COL4A4: variants seen among roughly 807,000 people sequenced by gnomAD.
The protein encoded by COL4A4 is collagen type IV alpha 4 chain.
COL4A4 carries 105 observed loss-of-function variants against 192.9 expected under a neutral mutation model. That is an observed-to-expected ratio of 0.54 (90% CI 0.46 to 0.64). The LOEUF (loss-of-function observed/expected upper bound fraction) is 0.64, where lower values mean the gene tolerates loss of function less well. COL4A4 is among the 30% of genes least tolerant of loss of function. COL4A4 has a pLI of 0.00. For missense variants in COL4A4, 1,967 were observed against 2,169.3 expected, an observed-to-expected ratio of 0.91 and a Z score of 1.85; for synonymous variants, 762 against 769.9, an observed-to-expected ratio of 0.99 and a Z score of 0.17.
At chr2:227,022,496 T>G (rs774221440) in intron 43 of COL4A4, 2 of 573,438 alleles carry the variant, frequency 3.5e-6, no homozygotes, top group Admixed American at 1.9e-5. Flanking sequence ...CCTCACAGGA[T>G]TGCCCAATCT....
At chr2:227,067,365 A>C (rs1485106227) in intron 25 of COL4A4, among the ~76,000 whole-genome samples, 1 of 152,220 alleles carries the variant, frequency 6.6e-6, no homozygotes, top group Admixed American at 6.5e-5. Flanking sequence ...CACCAAGCAG[A>C]CCTAATAGAC....
At chr2:227,154,184 GC>G (rs1437163668) in intron 1 of COL4A4, among the ~76,000 whole-genome samples, 1 of 152,102 alleles carries the variant, frequency 6.6e-6, no homozygotes, top group Non-Finnish European at 1.5e-5. Context: ...ATTCCGTGAG[GC>G]TTTTTTCTCC....
downstream of COL4A4, chr2:226,998,352 C>G (rs899121866): frequency 6.6e-6 from 1 of 152,080 alleles, no homozygotes; most frequent in African/African-American, 2.4e-5. Flanking sequence ...GGGGAGTAAG[C>G]AAGCTAAAGG....
intron 25 of COL4A4, among the ~76,000 whole-genome samples, chr2:227,063,244 A>G (rs1977584331): frequency 6.6e-6 from 1 of 152,198 alleles, no homozygotes; most frequent in Non-Finnish European, 1.5e-5. Flanking sequence ...AAAATTTTCT[A>G]GAGAGATAGA....
At chr2:227,138,626 C>CT (rs1204222514) in intron 4 of COL4A4, among the ~76,000 whole-genome samples, 1 of 136,396 alleles carries the variant, frequency 7.3e-6, no homozygotes, top group African/African-American at 2.9e-5. Context: ...GAGCGAGACT[C>CT]TGTCTCAAAA....
intron 20 of COL4A4, among the ~76,000 whole-genome samples, chr2:227,092,347 G>A (rs1243874049): frequency 6.6e-6 from 1 of 152,122 alleles, no homozygotes; most frequent in Non-Finnish European, 1.5e-5. Flanking sequence ...ATATAATGAG[G>A]TAGTAAAGCA....
At chr2:227,069,705 T>A (rs182830842) in intron 25 of COL4A4, among the ~76,000 whole-genome samples, 1 of 152,154 alleles carries the variant, frequency 6.6e-6, no homozygotes, top group African/African-American at 2.4e-5. Flanking sequence ...TTACACCTTA[T>A]ACAAAAATCA....
At chr2:227,152,933 A>G (rs766708346) in intron 1 of COL4A4, among the ~76,000 whole-genome samples, 21 of 152,202 alleles carry the variant, frequency 1.4e-4, no homozygotes, top group Admixed American at 4.6e-4. Flanking sequence ...GCTAATAAAT[A>G]CACACCTGAG....
At chr2:227,016,311 CA>C (rs1278183139) in intron 44 of COL4A4, among the ~76,000 whole-genome samples, 1 of 152,168 alleles carries the variant, frequency 6.6e-6, no homozygotes. Context: ...GTTCATTCAC[CA>C]AATGTTTACC....
chr2:227,060,390 A>G lies in COL4A4; in HGVS notation c.2057-147T>C, dbSNP rs1976651542. 1.5e-5 allele frequency: 9 copies of G among 607,856 alleles called. No individual in the cohort carries two copies. In the South Asian group the frequency reaches 1.7e-4, roughly 12 times the overall value. 37.7% of individuals were successfully genotyped at this position (607,856 alleles called of 1,614,324 possible). A position where few individuals can be genotyped will look rare whatever the true frequency, so the allele number is the denominator to read the frequency against. Reference sequence around the variant, plus strand: ...AGGATGTTGCCTATCCCGATTTACAAAAATATATTGTAAGTCATATGCTCC... The same window carrying G: ...AGGATGTTGCCTATCCCGATTTACAGAAATATATTGTAAGTCATATGCTCC... On this transcript the variant is annotated intron_variant, in intron 26 of 47. Transcript: ENST00000396625.
chr2:227,031,348 T>G (rs1415561087), intron 40 of COL4A4, among the ~76,000 whole-genome samples: 2 of 152,182 alleles, frequency 1.3e-5, no homozygotes, highest in Admixed American at 1.3e-4. Context: ...TGCAATTGCC[T>G]GCATTTAGCA....
At chr2:227,103,384 G>A (rs2060635059) in intron 13 of COL4A4, among the ~76,000 whole-genome samples, 187 bp from the exon 14 acceptor site, 1 of 152,116 alleles carries the variant, frequency 6.6e-6, no homozygotes, top group East Asian at 1.9e-4. Context: ...AGTTCTCTAT[G>A]TGAGAGGTAT....
Position 227,103,972 on chromosome 2 carries a change from CT to C in COL4A4, c.815del (p.Lys272ArgfsTer3). 6.2e-7 allele frequency: 1 copy of C among 1,612,394 alleles called. No individual in the cohort carries two copies. On this transcript the variant is annotated frameshift_variant and splice_region_variant, in exon 13 of 48. Transcript: ENST00000396625. LOFTEE classifies it high-confidence loss of function. ...PPDFCLYKGE[K>X]GIKGIPGMVG... ...GGTGACATATGGATTTGGGAATTAC[CT>C]TTTCTCCTTTATAGAGACAAAAGTC...
intron 25 of COL4A4, among the ~76,000 whole-genome samples, chr2:227,068,405 G>A (rs1576289902): frequency 1.3e-5 from 2 of 152,158 alleles, no homozygotes. Flanking sequence ...GCCAGGCAGA[G>A]ACACAACCAA....
At position 227,119,914 on chromosome 2, in the gene COL4A4, G is replaced by T; in HGVS notation, c.353C>A (p.Pro118Gln). The T allele has an allele frequency of 6.3e-7, 1 of 1,584,796 alleles. No homozygotes were observed. The highest frequency in any genetic ancestry group is 1.4e-5 in the African/African-American group (1 of 74,022). ...ACTTACAGGTATGCCATCTAAACCTGGAAATCCAGGAACACCAGTTGGACC... is the reference window on the plus strand; with the variant it reads ...ACTTACAGGTATGCCATCTAAACCTTGAAATCCAGGAACACCAGTTGGACC... ...DKGPTGVPGF[P>Q]GLDGIPGHPG... is the part of the protein sequence containing the mutation. Residue 118 changes from proline to glutamine, a missense_variant, in exon 6 of 48, where the codon CCA becomes CAA. Pro to Gln is a moderately conservative substitution (Grantham distance 76). Transcript: ENST00000396625.
rs1553695272 is a variant in COL4A4, at chr2:227,118,651, G to GCCT, written c.480_482dup (p.Gly161dup). 6.2e-7 allele frequency: 1 copy of GCCT among 1,611,458 alleles called. No homozygotes were observed. Among genetic ancestry groups the GCCT allele is most frequent in the Non-Finnish European group, 8.5e-7 (1 of 1,177,724 alleles). ...TGAACTGTGGGTATCTTACTAGGGG[G>GCCT]CCTCCTGGGCCAAGAGCTCCTCTTC... On this transcript the variant is annotated inframe_insertion, in exon 7 of 48. Transcript: ENST00000396625.
Position 227,045,850 on chromosome 2 carries a change from A to G in COL4A4, c.3289+1625T>C, listed in dbSNP as rs1403762365. 9.5e-4 allele frequency among the ~76,000 whole-genome samples: 81 copies of G among 85,314 alleles called. 7 individuals are homozygous for G. The highest frequency in any genetic ancestry group is 3.6e-3 in the African/African-American group (64 of 17,572). 56.0% of individuals were successfully genotyped at this position (85,314 alleles called of 152,430 possible). A position where few individuals can be genotyped will look rare whatever the true frequency, so the allele number is the denominator to read the frequency against. ...TATATATACACACATATATATATAC[A>G]CATATATATATACACATATATATAC... On this transcript the variant is annotated intron_variant, in intron 35 of 47. Coordinates refer to ENST00000396625, the MANE Select transcript of COL4A4 (RefSeq NM_000092.5).
At position 227,007,717 on chromosome 2, in the gene COL4A4, AC is replaced by A. The variant is rs370988380; in HGVS notation, c.4810-130del. The A allele has an allele frequency of 5.4e-6, 7 of 1,307,180 alleles. No individual in the cohort carries two copies. The African/African-American group carries it at 1.0e-4, about 19-fold the overall frequency. 81.0% of individuals were successfully genotyped at this position (1,307,180 alleles called of 1,614,324 possible). The stretch of plus-strand genomic sequence containing the variant: ...TAGATTATTCCATAAAGAACAAAAT[AC>A]AAGCGCTGAAAAGGAGTCGTACTCA... On this transcript the variant is annotated intron_variant, in intron 47 of 47. Coordinates refer to ENST00000396625, the MANE Select transcript of COL4A4 (RefSeq NM_000092.5).
chr2:227,101,510 G>A lies in COL4A4; in HGVS notation c.1023C>T (p.Gly341=), dbSNP rs2060520317. The A allele has an allele frequency of 6.2e-7, 1 of 1,610,086 alleles. No individual in the cohort carries two copies. The highest frequency in any genetic ancestry group is 2.2e-5 in the East Asian group (1 of 44,698). ...AAATAGGCTCACTTTTTACCTTTGGGCCAATTAATCCAAATAGCCCAGGAT... is the reference window on the plus strand; with the variant it reads ...AAATAGGCTCACTTTTTACCTTTGGACCAATTAATCCAAATAGCCCAGGAT... The part of the protein sequence containing the change: ...VGDPGLFGLI[G]PKGDPGNRGH... The change falls in exon 17 of 48, where the codon GGC becomes GGT. Residue 341 remains glycine (G), a synonymous_variant. Transcript: ENST00000396625.
Sources: gnomAD v4.1 joint callset for allele counts (sites outside exome capture counted in the v4.1 genomes callset) on GRCh38, gnomAD v4.1.1 for gene constraint, MANE v1.5 for transcripts, NCBI Gene and HGNC (gene_info 2026-07-23, HGNC 2026-07-21) for gene names.